The following SH3BP2 variants were observed in gnomAD, a reference collection of about 807,000 sequenced individuals.
SH3BP2 encodes the protein SH3 domain-binding protein 2.
Under a neutral mutation model 56.2 loss-of-function variants are expected in SH3BP2, and 38 were observed. The observed-to-expected ratio is 0.68, with a 90% confidence interval of 0.52 to 0.89. The LOEUF is 0.89. Among genes scored for constraint, SH3BP2 ranks in the 40% least tolerant of loss-of-function variants. The pLI is 0.00. For synonymous variants in SH3BP2, 346 were observed against 316.7 expected (o/e 1.09, Z -0.98); for missense variants, 748 against 762.6 (o/e 0.98, Z 0.23).
In SH3BP2 at chr4:2,827,615, A is replaced by G. The variant is rs779050688; in HGVS notation, c.527A>G (p.His176Arg). The change falls in exon 7 of 13, where the codon CAC becomes CGC. Residue 176 changes from histidine (H) to arginine (R), a missense_variant. Transcript: ENST00000503393. Reference sequence around the variant, plus strand: ...CCCTCTCCCCATGCAGACTATGAGCACGACGATGAGGATGACTCCTACCTG... The same window carrying G: ...CCCTCTCCCCATGCAGACTATGAGCGCGACGATGAGGATGACTCCTACCTG... ...PYPTDNEDYEHDDEDDSYLEP... is the reference protein window; with the variant it reads ...PYPTDNEDYERDDEDDSYLEP... 1.2e-5 allele frequency: 19 copies of G among 1,591,384 alleles called. No homozygotes were observed. In the Admixed American group the frequency reaches 3.1e-4, roughly 26 times the overall value.
intron 1 of SH3BP2, among the ~76,000 whole-genome samples, chr4:2,816,509 T>A (rs1724006276): frequency 6.6e-6 from 1 of 152,258 alleles, no homozygotes; most frequent in African/African-American, 2.4e-5. Context: ...AGAGCAGACA[T>A]CCTTTCCTTG....
In SH3BP2 at chr4:2,829,470, A is replaced by T. The variant is rs751498431; in HGVS notation, c.587-23A>T. On this transcript the variant is annotated intron_variant, in intron 7 of 12. Coordinates refer to ENST00000503393, the MANE Select transcript of SH3BP2 (RefSeq NM_001122681.2). The surrounding 1 kb of genome is among the most constrained non-coding windows in gnomAD (Gnocchi z 4.9). Reference sequence around the variant, plus strand: ...TTGGCCCAGTCTCTGTCAGGGTCCAACCCGGGTCTCTTTGCTCTGCAGATG... The same window carrying T: ...TTGGCCCAGTCTCTGTCAGGGTCCATCCCGGGTCTCTTTGCTCTGCAGATG... 1 of 1,612,880 alleles carries T rather than the reference A, an allele frequency of 6.2e-7. No individual in the cohort carries two copies. The highest frequency in any genetic ancestry group is 1.1e-5 in the South Asian group (1 of 91,046).
rs1032819158 is a variant in SH3BP2, at chr4:2,834,172, C to A, written c.*338C>A. 9 of 242,988 alleles carry A rather than the reference C, an allele frequency of 3.7e-5. No homozygotes were observed. Among genetic ancestry groups the A allele is most frequent in the Middle Eastern group, 1.4e-3 (1 of 732 alleles). The allele number at this position is 242,988 out of a possible 1,614,324, so 15.1% of individuals were successfully genotyped here. ...CACTCACCCCTAAGTGGGCTGGGAG[C>A]CAGGCAGGGCCAGGGCAGCTGGGTG... On this transcript the variant is annotated 3_prime_UTR_variant, in exon 13 of 13. Transcript: ENST00000503393.
Position 2,832,984 on chromosome 4 carries a change from C to G in SH3BP2, c.1489-6C>G. 6.2e-7 allele frequency: 1 copy of G among 1,614,208 alleles called. No homozygotes were observed. The highest frequency in any genetic ancestry group is 8.5e-7 in the Non-Finnish European group (1 of 1,180,018). On this transcript the variant is annotated splice_polypyrimidine_tract_variant and splice_region_variant and intron_variant, in intron 11 of 12. Transcript: ENST00000503393. The stretch of plus-strand genomic sequence containing the variant: ...GAGCCGTCAGCCTCCCGCTTCCGTC[C>G]TGTAGGTCCTGGTTGTGTGGGACGA...
intron 11 of SH3BP2, 126 bp from the exon 12 acceptor site, chr4:2,832,864 C>T (rs1364825146): frequency 4.2e-6 from 4 of 954,932 alleles, no homozygotes; most frequent in Non-Finnish European, 6.8e-6. Context: ...GGAGTCCCTC[C>T]CCGCCCCCCG....
Position 2,835,901 on chromosome 4 carries a change from C to T in SH3BP2, c.*2067C>T, listed in dbSNP as rs1199112738. 2.0e-5 allele frequency: 3 copies of T among 152,446 alleles called. No homozygotes were observed. In the East Asian group the frequency reaches 5.8e-4, roughly 29 times the overall value. The allele number at this position is 152,446 out of a possible 1,614,324, so 9.4% of individuals were successfully genotyped here. Reference sequence around the variant, plus strand: ...TTGGCCTCCCAAAGTGCTGGGATTACAGGCATGAGCCACTGTGCCTGGCCC... The same window carrying T: ...TTGGCCTCCCAAAGTGCTGGGATTATAGGCATGAGCCACTGTGCCTGGCCC... On this transcript the variant is annotated 3_prime_UTR_variant, in exon 13 of 13. Coordinates refer to ENST00000503393, the MANE Select transcript of SH3BP2 (RefSeq NM_001122681.2).
At position 2,837,863 on chromosome 4, in the gene SH3BP2, T is replaced by TG. The variant is rs1251604520; in HGVS notation, c.*4030dup. On this transcript the variant is annotated 3_prime_UTR_variant, in exon 13 of 13. Coordinates refer to ENST00000503393, the MANE Select transcript of SH3BP2 (RefSeq NM_001122681.2). The stretch of plus-strand genomic sequence containing the variant: ...AAGAGGGGCAGTGACCCTGTGAAGA[T>TG]GCTTGACAGACAACCCCCACCACCT... The TG allele has an allele frequency of 6.6e-6, 1 of 152,328 alleles. No homozygotes were observed. Among genetic ancestry groups the TG allele is most frequent in the Admixed American group, 6.5e-5 (1 of 15,282 alleles). 9.4% of individuals were successfully genotyped at this position (152,328 alleles called of 1,614,324 possible).
intron 1 of SH3BP2, among the ~76,000 whole-genome samples, chr4:2,819,520 T>C (rs1367385974): frequency 2.6e-5 from 4 of 152,172 alleles, no homozygotes; most frequent in Admixed American, 1.3e-4. Flanking sequence ...GGTCTGACCT[T>C]AGCTGCTCCA....
Position 2,829,528 on chromosome 4 carries a change from C to T in SH3BP2, c.622C>T (p.Pro208Ser), listed in dbSNP as rs1724855244. 1 of 1,613,522 alleles carries T rather than the reference C, an allele frequency of 6.2e-7. No homozygotes were observed. The highest frequency in any genetic ancestry group is 8.5e-7 in the Non-Finnish European group (1 of 1,179,988). The change falls in exon 8 of 13, where the codon CCA (proline) becomes TCA (serine). Residue 208 changes from proline to serine, a missense_variant. By Grantham distance (74) the Pro-to-Ser change is moderately conservative (BLOSUM62 -1). Coordinates refer to ENST00000503393, the MANE Select transcript of SH3BP2 (RefSeq NM_001122681.2). The surrounding 1 kb of genome is among the most constrained non-coding windows in gnomAD (Gnocchi z 4.9). The stretch of plus-strand genomic sequence containing the variant: ...GCACCCACCGGCTTACCCACCACCC[C>T]CAGTGCCCACGCCCAGGAAGCCAGC... Reference protein sequence around the residue: ...LMHPPAYPPPPVPTPRKPAFS... With the variant: ...LMHPPAYPPPSVPTPRKPAFS...
chr4:2,794,517 C>G (rs528999826), intron 1 of SH3BP2, among the ~76,000 whole-genome samples: 2 of 152,390 alleles, frequency 1.3e-5, no homozygotes, highest in African/African-American at 2.4e-5. Context: ...TGTCTATCCC[C>G]TCTCCCTGCC....
chr4:2,831,510 AG>A lies in SH3BP2; in HGVS notation c.1242-58del, dbSNP rs761434297. On this transcript the variant is annotated intron_variant, in intron 8 of 12. Coordinates refer to ENST00000503393, the MANE Select transcript of SH3BP2 (RefSeq NM_001122681.2). This position sits in a 1 kb window ranked among gnomAD's most constrained non-coding sequence, Gnocchi z 4.1. Reference sequence around the variant, plus strand: ...GAGGGTGGAGTGGGGAGGGGAGCAGAGGGTGGCCGCCCCGTGTCTGACAGTG... The same window carrying A: ...GAGGGTGGAGTGGGGAGGGGAGCAGAGGTGGCCGCCCCGTGTCTGACAGTG... The A allele has an allele frequency of 1.1e-5, 14 of 1,296,068 alleles. No homozygotes were observed. Among genetic ancestry groups the A allele is most frequent in the Non-Finnish European group, 1.5e-5 (14 of 914,270 alleles). The allele number at this position is 1,296,068 out of a possible 1,614,324, so 80.3% of individuals were successfully genotyped here.
At chr4:2,798,103 C>G (rs570718520) in intron 1 of SH3BP2, among the ~76,000 whole-genome samples, 2 of 152,290 alleles carry the variant, frequency 1.3e-5, no homozygotes, top group South Asian at 4.1e-4. Context: ...CTGCCTGCCA[C>G]CCGGCAGCAG....
chr4:2,830,111 T>A lies in SH3BP2; in HGVS notation c.1205T>A (p.Leu402Gln). The A allele has an allele frequency of 1.2e-6, 2 of 1,605,220 alleles. No homozygotes were observed. The highest frequency in any genetic ancestry group is 1.7e-6 in the Non-Finnish European group (2 of 1,179,290). Residue 402 changes from leucine to glutamine, a missense_variant, in exon 8 of 13, where the codon CTG becomes CAG. By Grantham distance (113) the Leu-to-Gln change is moderately radical. Coordinates refer to ENST00000503393, the MANE Select transcript of SH3BP2 (RefSeq NM_001122681.2). ...GAGGCCATGGCGCGGCCCGCAGTCC[T>A]GCCCAGGCCAGAGAAGCCGCAGCTC... ...VPEAMARPAV[L>Q]PRPEKPQLPH...
intron 1 of SH3BP2, among the ~76,000 whole-genome samples, chr4:2,795,561 C>CG (rs1038802599): frequency 6.6e-6 from 1 of 152,144 alleles, no homozygotes; most frequent in Non-Finnish European, 1.5e-5. Flanking sequence ...GGCAGGCTGG[C>CG]GGGGAAAAGA....
In SH3BP2 at chr4:2,829,812, C is replaced by T. The variant is rs762649526; in HGVS notation, c.906C>T (p.Ser302=). The change falls in exon 8 of 13, where the codon AGC becomes AGT. Residue 302 remains serine, a synonymous_variant. Coordinates refer to ENST00000503393, the MANE Select transcript of SH3BP2 (RefSeq NM_001122681.2). This position sits in a 1 kb window ranked among gnomAD's most constrained non-coding sequence, Gnocchi z 4.9. ...CCCCTTGCTTCCGGGAGAGTGCCAG[C>T]CCCAGCCCGGAGCCCTGGACCCCTG... ...RKPPCFRESA[S]PSPEPWTPGH... The T allele has an allele frequency of 2.5e-6, 4 of 1,613,306 alleles. No homozygotes were observed. Among genetic ancestry groups the T allele is most frequent in the Middle Eastern group, 1.6e-4 (1 of 6,062 alleles).
In SH3BP2 at chr4:2,831,562, C is replaced by T. The variant is rs1430108112; in HGVS notation, c.1242-9C>T. The stretch of plus-strand genomic sequence containing the variant: ...AAATGGTCCTGCCTTCCTCTCCCTG[C>T]CCCTCCAGGCGATCACCCCCCGATG... On this transcript the variant is annotated splice_polypyrimidine_tract_variant and intron_variant, in intron 8 of 12. Coordinates refer to ENST00000503393, the MANE Select transcript of SH3BP2 (RefSeq NM_001122681.2). The surrounding 1 kb of genome is among the most constrained non-coding windows in gnomAD (Gnocchi z 4.1). 1.9e-6 allele frequency: 3 copies of T among 1,563,954 alleles called. No homozygotes were observed. The highest frequency in any genetic ancestry group is 1.2e-5 in the South Asian group (1 of 85,540).
At chr4:2,818,343 G>C in intron 1 of SH3BP2, 1 of 1,175,492 alleles carries the variant, frequency 8.5e-7, no homozygotes, top group Non-Finnish European at 1.1e-6. Flanking sequence ...AGGGGAGGCG[G>C]GCGTGGATCG....
intron 1 of SH3BP2, among the ~76,000 whole-genome samples, chr4:2,798,361 CA>C (rs1723127097): frequency 6.6e-6 from 1 of 152,206 alleles, no homozygotes; most frequent in Admixed American, 6.5e-5. Context: ...CAAGTCCAAG[CA>C]AAAGGCCGGA....
intron 1 of SH3BP2, chr4:2,812,351 C>T (rs758622220): frequency 4.5e-6 from 7 of 1,550,058 alleles, no homozygotes; most frequent in Admixed American, 2.0e-5. Context: ...TCAGGCCTCA[C>T]ATGTCTGGGA....
Sources: gnomAD v4.1 joint callset for allele counts (sites outside exome capture counted in the v4.1 genomes callset) on GRCh38, gnomAD v4.1.1 for gene constraint, Gnocchi (gnomAD v3.1) non-coding constraint, MANE v1.5 for transcripts, NCBI Gene and HGNC (gene_info 2026-07-23, HGNC 2026-07-21) for gene names.